NKAIN2: variants seen among roughly 807,000 people sequenced by gnomAD.
The protein encoded by NKAIN2 is sodium/potassium transporting ATPase interacting 2.
NKAIN2 carries 14 observed loss-of-function variants against 32.6 expected under a neutral mutation model. The observed-to-expected ratio is 0.43, with a 90% CI of 0.28 to 0.67. The LOEUF (loss-of-function observed/expected upper bound fraction) is 0.67, where lower values mean the gene tolerates loss of function less well. Ranked by LOEUF, NKAIN2 falls within the 30% of genes least tolerant of loss-of-function variation. The pLI is 0.17. For missense variants in NKAIN2, 198 were observed against 258.3 expected (o/e 0.77, Z 1.60); for synonymous variants, 80 against 87.2 (o/e 0.92, Z 0.46).
chr6:124,538,863 C>T (rs72973819), intron 3 of NKAIN2, among the ~76,000 whole-genome samples: 4,821 of 152,052 alleles, frequency 0.032, 122 homozygotes, highest in Middle Eastern at 0.13. Context: ...TTGTATTTTT[C>T]GTTTTCAAAA....
At chr6:124,715,724 C>G (rs377133046) in intron 4 of NKAIN2, among the ~76,000 whole-genome samples, 3 of 152,222 alleles carry the variant, frequency 2.0e-5, no homozygotes, top group Non-Finnish European at 2.9e-5. Context: ...CCCAACTCCA[C>G]AAAACTGCTA....
At chr6:123,856,729 G>A (rs748382661) in intron 1 of NKAIN2, among the ~76,000 whole-genome samples, 6 of 152,096 alleles carry the variant, frequency 3.9e-5, no homozygotes, top group Non-Finnish European at 8.8e-5. Flanking sequence ...CAGATTTGGG[G>A]CTCCACCACA....
At chr6:124,599,121 GAT>G (rs1782210702) in intron 3 of NKAIN2, among the ~76,000 whole-genome samples, 1 of 150,632 alleles carries the variant, frequency 6.6e-6, no homozygotes, top group African/African-American at 2.4e-5. Flanking sequence ...GCCAAACTGC[GAT>G]CTCTTCTTGG....
At chr6:124,737,135 G>A (rs1202648916) in intron 4 of NKAIN2, among the ~76,000 whole-genome samples, 1 of 151,724 alleles carries the variant, frequency 6.6e-6, no homozygotes, top group Non-Finnish European at 1.5e-5. Flanking sequence ...GGGGTTCAAG[G>A]CTTTAGTCAT....
intron 3 of NKAIN2, among the ~76,000 whole-genome samples, chr6:124,628,722 A>G (rs1192009545): frequency 6.6e-6 from 1 of 152,106 alleles, no homozygotes; most frequent in Non-Finnish European, 1.5e-5. Flanking sequence ...GAAATATTAC[A>G]GATTTCTCTC....
intron 3 of NKAIN2, among the ~76,000 whole-genome samples, chr6:124,532,314 C>T (rs191338751): frequency 6.6e-6 from 1 of 152,146 alleles, no homozygotes; most frequent in Admixed American, 6.5e-5. Flanking sequence ...CAAGCAAAGT[C>T]TCATACCCTT....
intron 1 of NKAIN2, among the ~76,000 whole-genome samples, chr6:124,130,436 T>C (rs1018060649): frequency 2.0e-5 from 3 of 152,198 alleles, no homozygotes; most frequent in Non-Finnish European, 4.4e-5. Flanking sequence ...TGTTTTTCAT[T>C]TTAACTACTG....
chr6:123,978,681 G>A (rs950687266), intron 1 of NKAIN2, among the ~76,000 whole-genome samples: 1 of 151,426 alleles, frequency 6.6e-6, no homozygotes, highest in Non-Finnish European at 1.5e-5. Flanking sequence ...TTTCACAATT[G>A]TGTGTGTGTG....
intron 1 of NKAIN2, among the ~76,000 whole-genome samples, chr6:124,175,294 T>C (rs1055522070): frequency 6.6e-6 from 1 of 152,186 alleles, no homozygotes; most frequent in Non-Finnish European, 1.5e-5. Context: ...CACATCTGTA[T>C]GAAGGCATTA....
intron 3 of NKAIN2, among the ~76,000 whole-genome samples, chr6:124,406,522 T>A (rs369477728): frequency 7.2e-5 from 11 of 152,286 alleles, no homozygotes; most frequent in Middle Eastern, 3.4e-3. Flanking sequence ...ATACAAAGAC[T>A]TGTATATAAT....
intron 1 of NKAIN2, among the ~76,000 whole-genome samples, chr6:124,253,705 A>G (rs1313837549): frequency 6.6e-6 from 1 of 152,214 alleles, no homozygotes; most frequent in Admixed American, 6.5e-5. Context: ...GTTATTTGAA[A>G]GAATGCAATA....
intron 3 of NKAIN2, among the ~76,000 whole-genome samples, chr6:124,418,158 C>CTG (rs144452856): frequency 0.071 from 10,663 of 149,578 alleles, 485 homozygotes; most frequent in African/African-American, 0.12. Flanking sequence ...CCTGTGTGGA[C>CTG]TGTGTGTGTG....
chr6:124,379,404 G>T (rs960848135), intron 3 of NKAIN2, among the ~76,000 whole-genome samples: 1 of 151,482 alleles, frequency 6.6e-6, no homozygotes, highest in Non-Finnish European at 1.5e-5. Flanking sequence ...GAGGGAGGGA[G>T]ATTGGTTTTC....
intron 4 of NKAIN2, among the ~76,000 whole-genome samples, chr6:124,778,829 A>C (rs1345396833): frequency 1.3e-5 from 2 of 152,172 alleles, no homozygotes; most frequent in African/African-American, 4.8e-5. Flanking sequence ...ATTAATACAT[A>C]TACTAGGGAG....
Position 124,412,000 on chromosome 6 carries a change from C to T in NKAIN2, c.273+56653C>T, listed in dbSNP as rs149672224. On this transcript the variant is annotated intron_variant, in intron 3 of 6. Transcript: ENST00000368417. ...GTTACTGAGGCTTGTGCATTCATCACGTGGTTCTCGTGCCGTGGTTTTCAG... is the reference window on the plus strand; with the variant it reads ...GTTACTGAGGCTTGTGCATTCATCATGTGGTTCTCGTGCCGTGGTTTTCAG... Among the ~76,000 whole-genome samples, 937 of 152,312 alleles carry T rather than the reference C, an allele frequency of 6.2e-3. 8 individuals carry two copies. The highest frequency in any genetic ancestry group is 0.022 in the African/African-American group (899 of 41,562).
At chr6:124,242,271 C>T (rs1198690023) in intron 1 of NKAIN2, among the ~76,000 whole-genome samples, 2 of 152,052 alleles carry the variant, frequency 1.3e-5, no homozygotes, top group South Asian at 2.1e-4. Flanking sequence ...GACATTTATA[C>T]GGCCAACAAA....
intron 1 of NKAIN2, among the ~76,000 whole-genome samples, chr6:124,242,392 C>T (rs557788683): frequency 4.5e-4 from 68 of 152,142 alleles, no homozygotes; most frequent in Non-Finnish European, 7.6e-4. Context: ...AATCAGGAAA[C>T]AACAGATGCT....
intron 3 of NKAIN2, among the ~76,000 whole-genome samples, chr6:124,456,323 AC>A (rs761339473): frequency 2.6e-4 from 39 of 151,554 alleles, no homozygotes; most frequent in East Asian, 5.8e-4. Flanking sequence ...TAAAAAAAAA[AC>A]GACATACCTA....
intron 1 of NKAIN2, among the ~76,000 whole-genome samples, chr6:124,045,351 T>G (rs1278159881): frequency 6.6e-6 from 1 of 151,964 alleles, no homozygotes; most frequent in African/African-American, 2.4e-5. Flanking sequence ...GATTAGGGAA[T>G]GAATGAAAGA....
Sources: gnomAD v4.1 joint callset for allele counts (sites outside exome capture counted in the v4.1 genomes callset) on GRCh38, gnomAD v4.1.1 for gene constraint, MANE v1.5 for transcripts, NCBI Gene and HGNC (gene_info 2026-07-23, HGNC 2026-07-21) for gene names.